DLC1: variants seen among roughly 807,000 people sequenced by gnomAD.
DLC1 encodes rho GTPase-activating protein 7.
Under a neutral mutation model 140.3 loss-of-function variants are expected in DLC1, and 54 were observed. The observed-to-expected ratio is 0.38, with a 90% confidence interval of 0.31 to 0.48. The LOEUF is 0.48. DLC1 is among the 20% of genes least tolerant of loss of function. The probability of loss-of-function intolerance (pLI) is 0.96; values close to 1 mark genes in which losing one functional copy is unlikely to be tolerated. For missense variants in DLC1, 2,536 were observed against 1,907.0 expected (o/e 1.33, Z -6.14); for synonymous variants, 986 against 728.1 (o/e 1.35, Z -5.70).
At chr8:13,367,622 A>G (rs910301355) in intron 4 of DLC1, among the ~76,000 whole-genome samples, 1 of 152,188 alleles carries the variant, frequency 6.6e-6, no homozygotes, top group Non-Finnish European at 1.5e-5. Flanking sequence ...AGCACACTGA[A>G]TCTTTCCTGT....
chr8:13,390,732 A>C (rs1421938666), intron 4 of DLC1, among the ~76,000 whole-genome samples: 1 of 152,326 alleles, frequency 6.6e-6, no homozygotes, highest in East Asian at 1.9e-4. Flanking sequence ...TCACGCCTGT[A>C]ATCCCAGCAC....
In DLC1 at chr8:13,110,792, G is replaced by T; in HGVS notation, c.1452C>A (p.Val484=). 1 of 1,614,040 alleles carries T rather than the reference G, an allele frequency of 6.2e-7. No individual in the cohort carries two copies. The highest frequency in any genetic ancestry group is 1.1e-5 in the South Asian group (1 of 91,048). ...DFLFPIDISL[V]KREHDFLDRD... ...TGTCCAAAAAATCATGCTCTCTCTT[G>T]ACCAAGGAAATATCGATGGGGAACA... The change falls in exon 7 of 18, where the codon GTC becomes GTA. Residue 484 remains valine, a synonymous_variant. Coordinates refer to ENST00000276297, the MANE Select transcript of DLC1 (RefSeq NM_182643.3).
chr8:13,319,368 C>A (rs1178804184), intron 4 of DLC1, among the ~76,000 whole-genome samples: 1 of 151,658 alleles, frequency 6.6e-6, no homozygotes, highest in Non-Finnish European at 1.5e-5. Flanking sequence ...TTTCCATTAT[C>A]ATCTGTTTCT....
intron 4 of DLC1, among the ~76,000 whole-genome samples, chr8:13,359,634 T>A (rs189896288): frequency 1.1e-4 from 17 of 152,320 alleles, no homozygotes; most frequent in African/African-American, 3.8e-4. Context: ...GGTAGTTTCA[T>A]GACATCCAAG....
At chr8:13,595,904 A>G (rs7838613) in intron 1 of DLC1, among the ~76,000 whole-genome samples, 149,998 of 152,022 alleles carry the variant, frequency 0.99, 74,043 homozygotes, top group East Asian at 1. Context: ...TTACCACATC[A>G]GAATTTTCAT....
intron 3 of DLC1, among the ~76,000 whole-genome samples, chr8:13,399,046 G>C (rs1837177031): frequency 6.6e-6 from 1 of 152,166 alleles, no homozygotes; most frequent in Non-Finnish European, 1.5e-5. Flanking sequence ...CTGCAGAACA[G>C]CAGGGGAGGC....
chr8:13,084,608 GGA>G lies in DLC1; in HGVS notation c.*1201_*1202del, dbSNP rs377046528. 4 of 77,708 alleles carry G rather than the reference GGA, an allele frequency of 5.1e-5. No individual in the cohort carries two copies. The highest frequency in any genetic ancestry group is 3.0e-4 in the African/African-American group (4 of 13,322). 4.8% of individuals were successfully genotyped at this position (77,708 alleles called of 1,614,324 possible). ...AAATATATTTCCAGGGCATTCTAAA[GGA>G]AAAAAAAAAAAAAAGAAATGTAGGA... On this transcript the variant is annotated 3_prime_UTR_variant, in exon 18 of 18. Transcript: ENST00000276297.
At chr8:13,303,015 A>G (rs190492677) in intron 5 of DLC1, among the ~76,000 whole-genome samples, 6 of 152,336 alleles carry the variant, frequency 3.9e-5, no homozygotes, top group Admixed American at 1.3e-4. Context: ...GAATTGTCAT[A>G]TTTGTTACCG....
intron 5 of DLC1, among the ~76,000 whole-genome samples, chr8:13,247,809 C>T (rs1298680926): frequency 6.6e-6 from 1 of 152,186 alleles, no homozygotes; most frequent in African/African-American, 2.4e-5. Context: ...CATCGTGCTA[C>T]AAGAATTTCC....
intron 1 of DLC1, among the ~76,000 whole-genome samples, chr8:13,537,396 C>T (rs964107993): frequency 1.2e-4 from 18 of 152,152 alleles, no homozygotes; most frequent in African/African-American, 3.9e-4. Flanking sequence ...TTCATGATTT[C>T]TGTAGCATGG....
intron 5 of DLC1, among the ~76,000 whole-genome samples, chr8:13,183,288 C>G (rs944502151): frequency 3.9e-5 from 6 of 152,112 alleles, no homozygotes; most frequent in Admixed American, 3.3e-4. Flanking sequence ...TCCTCATTCC[C>G]TAATTGAATA....
intron 1 of DLC1, among the ~76,000 whole-genome samples, chr8:13,549,161 A>T (rs897425092): frequency 9.2e-5 from 14 of 152,082 alleles, no homozygotes; most frequent in Admixed American, 2.0e-4. Context: ...AGGAAATAAC[A>T]TCTTAAGTAG....
intron 4 of DLC1, among the ~76,000 whole-genome samples, chr8:13,360,499 A>G (rs1208043934): frequency 1.3e-5 from 2 of 152,188 alleles, no homozygotes; most frequent in African/African-American, 4.8e-5. Context: ...CACCTGGGAA[A>G]CTTAAAATAC....
In DLC1 at chr8:13,209,586, T is replaced by C. The variant is rs1402598023; in HGVS notation, c.1349-93929A>G. ...TCTCATGTTGAAATGTAATCCTCAG[T>C]GTTGGAGGTGGGACCTGGTGGAGTG... On this transcript the variant is annotated intron_variant, in intron 5 of 17. Coordinates refer to ENST00000276297, the MANE Select transcript of DLC1 (RefSeq NM_182643.3). Among the ~76,000 whole-genome samples, 5 of 152,248 alleles carry C rather than the reference T, an allele frequency of 3.3e-5. No homozygotes were observed. The East Asian group carries it at 9.6e-4, about 29-fold the overall frequency.
chr8:13,552,929 G>C (rs1425977689), intron 1 of DLC1, among the ~76,000 whole-genome samples: 1 of 151,566 alleles, frequency 6.6e-6, no homozygotes, highest in East Asian at 1.9e-4. Context: ...TGGTACATTA[G>C]AAGAAATTAT....
At chr8:13,221,963 C>T (rs1828579361) in intron 5 of DLC1, among the ~76,000 whole-genome samples, 2 of 142,270 alleles carry the variant, frequency 1.4e-5, no homozygotes, top group Admixed American at 1.4e-4. Context: ...TTTTATATAA[C>T]ATATATAATT....
At chr8:13,487,628 C>T (rs1286782157) in intron 2 of DLC1, among the ~76,000 whole-genome samples, 1 of 151,048 alleles carries the variant, frequency 6.6e-6, no homozygotes, top group African/African-American at 2.4e-5. Flanking sequence ...GGCTGGAGTG[C>T]AATGGCGTGA....
At chr8:13,135,410 T>G (rs1327988963) in intron 5 of DLC1, among the ~76,000 whole-genome samples, 1 of 152,056 alleles carries the variant, frequency 6.6e-6, no homozygotes, top group Admixed American at 6.6e-5. Context: ...CTCGATCTCC[T>G]GACCTCGTGA....
chr8:13,383,082 C>G (rs1182989402), intron 4 of DLC1, among the ~76,000 whole-genome samples: 1 of 152,124 alleles, frequency 6.6e-6, no homozygotes, highest in Non-Finnish European at 1.5e-5. Flanking sequence ...AGTCAGAAAA[C>G]AAGATGAGAA....
Sources: allele counts gnomAD v4.1 joint callset (sites outside exome capture counted in the v4.1 genomes callset), GRCh38; gene constraint gnomAD v4.1.1; transcripts MANE v1.5; gene names NCBI Gene and HGNC (gene_info 2026-07-23, HGNC 2026-07-21).